The following CST9 variants were observed in gnomAD, a reference collection of about 807,000 sequenced individuals.
CST9 encodes the protein cystatin 9, also known as cystatin-9.
A neutral mutation model predicts 7.7 loss-of-function variants in CST9; 11 were observed. That is an observed-to-expected ratio of 1.44 (90% confidence interval 0.90 to 2.38). The LOEUF is 2.38. Ranked by LOEUF, CST9 falls within the 30% of genes most tolerant of loss-of-function variation. The pLI, the probability that CST9 is intolerant of heterozygous loss-of-function variation, is 0.00. For missense variants in CST9, 214 were observed against 199.1 expected, an observed-to-expected ratio of 1.07 and a Z score of -0.45; for synonymous variants, 71 against 74.3, an observed-to-expected ratio of 0.96 and a Z score of 0.23.
intron 1 of CST9, among the ~76,000 whole-genome samples, chr20:23,604,646 G>A (rs775889730): frequency 3.9e-5 from 6 of 152,178 alleles, no homozygotes; most frequent in Non-Finnish European, 8.8e-5. Flanking sequence ...CCCCTCTGAG[G>A]GTTGCATCAG....
intron 1 of CST9, 80 bp downstream of exon 1, chr20:23,605,530 G>T: frequency 6.7e-7 from 1 of 1,491,726 alleles, no homozygotes; most frequent in Non-Finnish European, 9.1e-7. Context: ...GGTGAACCAA[G>T]TCTCCTAGAC....
Position 23,603,337 on chromosome 20 carries a change from A to G in CST9, c.*173T>C, listed in dbSNP as rs2122405638. 2 of 1,436,176 alleles carry G rather than the reference A, an allele frequency of 1.4e-6. No individual in the cohort carries two copies. Among genetic ancestry groups the G allele is most frequent in the South Asian group, 1.5e-5 (1 of 66,546 alleles). The allele number at this position is 1,436,176 out of a possible 1,614,324, so 89.0% of individuals were successfully genotyped here. On this transcript the variant is annotated 3_prime_UTR_variant, in exon 2 of 2. Transcript: ENST00000376971. ...GAAGAAGTGGGGAGGAAGACCAGAG[A>G]GAAGGTTCTGAAGGCCATGTGGCCC...
In CST9 at chr20:23,603,456, C is replaced by CT; in HGVS notation, c.*53dup. 1 of 1,590,746 alleles carries CT rather than the reference C, an allele frequency of 6.3e-7. No homozygotes were observed. The highest frequency in any genetic ancestry group is 8.6e-7 in the Non-Finnish European group (1 of 1,167,370). ...GTGAACCCCTGGGCTTAATGCCTCA[C>CT]TGGGCTTCCCACTAAGGCACAAGCA... On this transcript the variant is annotated 3_prime_UTR_variant, in exon 2 of 2. Transcript: ENST00000376971.
chr20:23,604,862 A>C (rs1182876467), intron 1 of CST9, among the ~76,000 whole-genome samples: 1 of 152,232 alleles, frequency 6.6e-6, no homozygotes, highest in Non-Finnish European at 1.5e-5. Context: ...GGTGCTGAGA[A>C]AGGAAGAGCA....
chr20:23,602,816 T>C lies in CST9; in HGVS notation c.*694A>G. 2 of 985,780 alleles carry C rather than the reference T, an allele frequency of 2.0e-6. No homozygotes were observed. The highest frequency in any genetic ancestry group is 2.4e-6 in the Non-Finnish European group (2 of 830,222). 61.1% of individuals were successfully genotyped at this position (985,780 alleles called of 1,614,324 possible). A position where few individuals can be genotyped will look rare whatever the true frequency, so the allele number is the denominator to read the frequency against. ...ACAGGTTCCATCTCCACCTTGCCCA[T>C]TCCTGGGGCCAGCAATTGTGCCACG... On this transcript the variant is annotated 3_prime_UTR_variant, in exon 2 of 2. Transcript: ENST00000376971.
chr20:23,604,324 C>T (rs1978704242), intron 1 of CST9, among the ~76,000 whole-genome samples: 1 of 152,200 alleles, frequency 6.6e-6, no homozygotes, highest in Non-Finnish European at 1.5e-5. Context: ...CCACTCCATT[C>T]TATTTAATTC....
At position 23,603,642 on chromosome 20, in the gene CST9, T is replaced by C. The variant is rs772824854; in HGVS notation, c.348A>G (p.Gln116=). Reference sequence around the variant, plus strand: ...TTACGTTGTTCAGCTCCAGGCTTTCTTGAAAAGGGCAGTTGTCAATGTCAT... The same window carrying C: ...TTACGTTGTTCAGCTCCAGGCTTTCCTGAAAAGGGCAGTTGTCAATGTCAT... ...FEDDIDNCPF[Q]ESLELNNVRQ... Residue 116 remains glutamine, a synonymous_variant, in exon 2 of 2, where the codon CAA becomes CAG. Transcript: ENST00000376971. 2.2e-5 allele frequency: 36 copies of C among 1,614,126 alleles called. No individual in the cohort carries two copies. The highest frequency in any genetic ancestry group is 3.0e-5 in the Non-Finnish European group (35 of 1,180,060).
chr20:23,603,765 C>A (rs769383338), intron 1 of CST9, 31 bp from the exon 2 acceptor site: 4 of 1,605,422 alleles, frequency 2.5e-6, no homozygotes, highest in Non-Finnish European at 3.4e-6. Context: ...AAAGTGGATG[C>A]ACCGTCTTCC....
At chr20:23,605,458 A>G (rs1978735272) in intron 1 of CST9, 152 bp downstream of exon 1, 2 of 866,440 alleles carry the variant, frequency 2.3e-6, no homozygotes, top group Non-Finnish European at 3.6e-6. Flanking sequence ...TTTAAGTTCA[A>G]TGTTTTCCAA....
In CST9 at chr20:23,602,631, G is replaced by A; in HGVS notation, c.*879C>T. 5 of 942,688 alleles carry A rather than the reference G, an allele frequency of 5.3e-6. No homozygotes were observed. In the South Asian group the frequency reaches 2.5e-4, roughly 46 times the overall value. 58.4% of individuals were successfully genotyped at this position (942,688 alleles called of 1,614,324 possible). A position where few individuals can be genotyped will look rare whatever the true frequency, so the allele number is the denominator to read the frequency against. Reference sequence around the variant, plus strand: ...GCATGTGAGTGGCTTCCACTCAGGAGAGCCCCTCTGAGCAGGTCTTGTTCA... The same window carrying A: ...GCATGTGAGTGGCTTCCACTCAGGAAAGCCCCTCTGAGCAGGTCTTGTTCA... On this transcript the variant is annotated 3_prime_UTR_variant, in exon 2 of 2. Coordinates refer to ENST00000376971, the MANE Select transcript of CST9 (RefSeq NM_001008693.3).
At position 23,603,415 on chromosome 20, in the gene CST9, G is replaced by T; in HGVS notation, c.*95C>A. On this transcript the variant is annotated 3_prime_UTR_variant, in exon 2 of 2. Coordinates refer to ENST00000376971, the MANE Select transcript of CST9 (RefSeq NM_001008693.3). ...AGGGCAGAATCAGGAAACTCAGATT[G>T]GCCAGGGGCCTGAAAGTGAACCCCT... is the stretch of plus-strand genomic sequence containing the variant. 1 of 1,500,354 alleles carries T rather than the reference G, an allele frequency of 6.7e-7. No homozygotes were observed. The highest frequency in any genetic ancestry group is 1.4e-5 in the South Asian group (1 of 74,026). The allele number at this position is 1,500,354 out of a possible 1,614,324, so 92.9% of individuals were successfully genotyped here. A position where few individuals can be genotyped will look rare whatever the true frequency, so the allele number is the denominator to read the frequency against.
rs1978656509 is a variant in CST9, at chr20:23,603,009, A to G, written c.*501T>C. ...TCCTGGTGTGATCCCTGCATCCAAG[A>G]GCAGCAGGAGAATGTTTTGTCCCAG... On this transcript the variant is annotated 3_prime_UTR_variant, in exon 2 of 2. Coordinates refer to ENST00000376971, the MANE Select transcript of CST9 (RefSeq NM_001008693.3). The G allele has an allele frequency of 1.0e-6, 1 of 1,002,522 alleles. No individual in the cohort carries two copies. Among genetic ancestry groups the G allele is most frequent in the Non-Finnish European group, 1.2e-6 (1 of 840,788 alleles). The allele number at this position is 1,002,522 out of a possible 1,614,324, so 62.1% of individuals were successfully genotyped here.
Position 23,603,621 on chromosome 20 carries a change from G to C in CST9, c.369C>G (p.Asn123Lys), listed in dbSNP as rs369338029. ...CPFQESLELN[N>K]VRQGISFPQV... ...GAGGAAAGCTGATGCCCTGTCTTAC[G>C]TTGTTCAGCTCCAGGCTTTCTTGAA... is the stretch of plus-strand genomic sequence containing the variant. The change falls in exon 2 of 2, where the codon AAC becomes AAG. Residue 123 changes from asparagine (N) to lysine (K), a missense_variant. Asn to Lys is a moderately conservative substitution (Grantham distance 94). Coordinates refer to ENST00000376971, the MANE Select transcript of CST9 (RefSeq NM_001008693.3). 35 of 1,614,056 alleles carry C rather than the reference G, an allele frequency of 2.2e-5. 1 individual carries two copies. In the South Asian group the frequency reaches 3.5e-4, roughly 16 times the overall value.
Position 23,605,885 on chromosome 20 carries a change from T to C in CST9, c.-21A>G. On this transcript the variant is annotated 5_prime_UTR_variant, in exon 1 of 2. Coordinates refer to ENST00000376971, the MANE Select transcript of CST9 (RefSeq NM_001008693.3). ...GACATGATGCAGGCTCCAGCAGCCC[T>C]TGCCTTTGCCCTTCAGATCCCTGGC... The C allele has an allele frequency of 6.2e-7, 1 of 1,612,830 alleles. No individual in the cohort carries two copies. Among genetic ancestry groups the C allele is most frequent in the East Asian group, 2.2e-5 (1 of 44,870 alleles).
rs910414411 is a variant in CST9, at chr20:23,605,661, G to A, written c.204C>T (p.Tyr68=). ...ATGAACTCAGGACGCGCAACAGCCT[G>A]TAGGCATGCTCCTCCTTGCTCTGCA... is the stretch of plus-strand genomic sequence containing the variant. ...FNVQSKEEHA[Y]RLLRVLSSWR... The change falls in exon 1 of 2, where the codon TAC becomes TAT. Residue 68 remains tyrosine, a synonymous_variant. Coordinates refer to ENST00000376971, the MANE Select transcript of CST9 (RefSeq NM_001008693.3). The A allele has an allele frequency of 1.9e-6, 3 of 1,614,142 alleles. No individual in the cohort carries two copies. The highest frequency in any genetic ancestry group is 2.5e-6 in the Non-Finnish European group (3 of 1,180,028).
At chr20:23,605,192 G>GTC (rs1288036453) in intron 1 of CST9, among the ~76,000 whole-genome samples, 38 of 149,392 alleles carry the variant, frequency 2.5e-4, no homozygotes, top group African/African-American at 6.9e-4. Context: ...CTCTCTCTCT[G>GTC]TCTCTCTCTC....
chr20:23,603,902 C>T (rs1204926648), intron 1 of CST9, among the ~76,000 whole-genome samples, 168 bp from the exon 2 acceptor site: 1 of 152,182 alleles, frequency 6.6e-6, no homozygotes, highest in East Asian at 1.9e-4. Context: ...GGGATCTTCT[C>T]TAGACTGAGG....
In CST9 at chr20:23,603,320, G is replaced by A; in HGVS notation, c.*190C>T. On this transcript the variant is annotated 3_prime_UTR_variant, in exon 2 of 2. Transcript: ENST00000376971. ...TTTCTCTAGAAGGCAGGGAAGAAGT[G>A]GGGAGGAAGACCAGAGAGAAGGTTC... The A allele has an allele frequency of 2.1e-6, 3 of 1,431,746 alleles. No individual in the cohort carries two copies. The highest frequency in any genetic ancestry group is 1.4e-5 in the African/African-American group (1 of 69,710). 88.7% of individuals were successfully genotyped at this position (1,431,746 alleles called of 1,614,324 possible). A position where few individuals can be genotyped will look rare whatever the true frequency, so the allele number is the denominator to read the frequency against.
In CST9 at chr20:23,603,436, C is replaced by T. The variant is rs879369286; in HGVS notation, c.*74G>A. On this transcript the variant is annotated 3_prime_UTR_variant, in exon 2 of 2. Transcript: ENST00000376971. ...GATTGGCCAGGGGCCTGAAAGTGAACCCCTGGGCTTAATGCCTCACTGGGC... is the reference window on the plus strand; with the variant it reads ...GATTGGCCAGGGGCCTGAAAGTGAATCCCTGGGCTTAATGCCTCACTGGGC... 7.1e-6 allele frequency: 11 copies of T among 1,550,808 alleles called. No homozygotes were observed. Among genetic ancestry groups the T allele is most frequent in the Non-Finnish European group, 9.6e-6 (11 of 1,147,652 alleles).
Sources: allele counts gnomAD v4.1 joint callset (sites outside exome capture counted in the v4.1 genomes callset), GRCh38; gene constraint gnomAD v4.1.1; transcripts MANE v1.5; gene names NCBI Gene and HGNC (gene_info 2026-07-23, HGNC 2026-07-21).